KMT2C: variants seen among roughly 807,000 people sequenced by gnomAD.
KMT2C encodes lysine methyltransferase 2C.
In KMT2C, 88 loss-of-function variants were observed where a neutral mutation model predicts 507.9. The observed-to-expected ratio is 0.17, with a 90% CI of 0.15 to 0.21. The LOEUF (loss-of-function observed/expected upper bound fraction) is 0.21, where lower values mean the gene tolerates loss of function less well. KMT2C is among the 10% of genes least tolerant of loss of function. The pLI is 1.00. For synonymous variants in KMT2C, 2,049 were observed against 2,080.8 expected (o/e 0.98, Z 0.42); for missense variants, 4,954 against 5,957.8 (o/e 0.83, Z 5.55).
rs138353962 is a variant in KMT2C at position 152,162,666 on chromosome 7, G to A, written c.10911C>T (p.Ile3637=). 5.5e-3 allele frequency: 8,903 copies of A among 1,614,224 alleles called. 27 individuals carry two copies. Among genetic ancestry groups the A allele is most frequent in the Middle Eastern group, 7.1e-3 (43 of 6,062 alleles). Residue 3637 remains isoleucine, a synonymous_variant, in exon 43 of 59, where the codon ATC becomes ATT. Transcript: ENST00000262189. ...CTGCAGGAGTAGAGGTAGTTTCTGA[G>A]ATGCCTGGAGTCGGTGGGGCAGTTA... ...SDITAPPTPG[I]SETTSTPAVS...
At chr7:152,137,135 C>T (rs112111959) in intron 58 of KMT2C, 6 of 516,560 alleles carry the variant, frequency 1.2e-5, no homozygotes, top group African/African-American at 2.0e-5. Context: ...TATTTTTAAA[C>T]AGCGAGATCT....
At chr7:152,428,220 C>G (rs1326882483) in intron 1 of KMT2C, among the ~76,000 whole-genome samples, 2 of 152,056 alleles carry the variant, frequency 1.3e-5, no homozygotes, top group African/African-American at 2.4e-5. Flanking sequence ...GACCTGTAGT[C>G]CCCTGGTGGT....
chr7:152,253,792 T>A (rs2095602608), intron 9 of KMT2C, among the ~76,000 whole-genome samples: 1 of 152,100 alleles, frequency 6.6e-6, no homozygotes, highest in Middle Eastern at 3.2e-3. Flanking sequence ...CCCTTCATGT[T>A]TTTAGAATAG....
chr7:152,181,730 T>C lies in KMT2C; in HGVS notation c.6130A>G (p.Lys2044Glu), dbSNP rs751639599. Residue 2044 changes from lysine (K) to glutamate (E), a missense_variant, in exon 36 of 59, where the codon AAG (lysine) becomes GAG (glutamate). Lys to Glu is a moderately conservative substitution (Grantham distance 56). Coordinates refer to ENST00000262189, the MANE Select transcript of KMT2C (RefSeq NM_170606.3). ...APLDSGPGPF[K>E]TPMQPPPSSQ... ...GATGGAGGAGGTTGCATTGGAGTCTTAAAAGGTCCAGGACCACTATCAAGA... is the reference window on the plus strand; with the variant it reads ...GATGGAGGAGGTTGCATTGGAGTCTCAAAAGGTCCAGGACCACTATCAAGA... 1 of 1,614,120 alleles carries C rather than the reference T, an allele frequency of 6.2e-7. No individual in the cohort carries two copies. The highest frequency in any genetic ancestry group is 1.7e-5 in the Admixed American group (1 of 60,012).
chr7:152,142,808 A>G (rs573149496), intron 55 of KMT2C, among the ~76,000 whole-genome samples: 48 of 152,248 alleles, frequency 3.2e-4, no homozygotes, highest in Non-Finnish European at 6.3e-4. Context: ...TATTACAGAG[A>G]AAAGGAAGAC....
intron 1 of KMT2C, among the ~76,000 whole-genome samples, chr7:152,369,171 A>C (rs918603920): frequency 6.6e-6 from 1 of 152,030 alleles, no homozygotes; most frequent in East Asian, 1.9e-4. Flanking sequence ...AAAAATACAA[A>C]AGTTGGCCGG....
chr7:152,244,480 G>A lies in KMT2C; in HGVS notation c.2532+3422C>T, dbSNP rs557676043. Among the ~76,000 whole-genome samples the A allele has an allele frequency of 1.5e-3, 229 of 152,126 alleles. 1 individual carries two copies. The highest frequency in any genetic ancestry group is 5.1e-3 in the African/African-American group (213 of 41,514). On this transcript the variant is annotated intron_variant, in intron 14 of 58. Coordinates refer to ENST00000262189, the MANE Select transcript of KMT2C (RefSeq NM_170606.3). Reference sequence around the variant, plus strand: ...AAGGATCGCTTGAGGCCAGGAGTTCGTAACCAGCCTGGTCTACACAGCAAG... The same window carrying A: ...AAGGATCGCTTGAGGCCAGGAGTTCATAACCAGCCTGGTCTACACAGCAAG...
intron 6 of KMT2C, among the ~76,000 whole-genome samples, chr7:152,309,591 C>T (rs1214026570): frequency 1.4e-5 from 2 of 140,232 alleles, no homozygotes. Flanking sequence ...GCAATCTTGG[C>T]TACGGGCAAC....
At chr7:152,328,400 A>G (rs2096850628) in intron 3 of KMT2C, among the ~76,000 whole-genome samples, 1 of 152,100 alleles carries the variant, frequency 6.6e-6, no homozygotes, top group Admixed American at 6.6e-5. Context: ...AAGCCAGGAG[A>G]CAAGCAGAGC....
intron 1 of KMT2C, among the ~76,000 whole-genome samples, chr7:152,386,788 A>G (rs542641890): frequency 4.6e-4 from 70 of 152,364 alleles, no homozygotes; most frequent in African/African-American, 1.7e-3. Context: ...CATTATTCCT[A>G]TTCAACAGTT....
intron 6 of KMT2C, among the ~76,000 whole-genome samples, chr7:152,295,919 TTAGCCGGG>T (rs894645722): frequency 2.0e-5 from 3 of 150,482 alleles, no homozygotes; most frequent in African/African-American, 7.4e-5. Flanking sequence ...ACAAAAAAAA[TTAGCCGGG>T]CATGGTGGCG....
In KMT2C at chr7:152,181,784, A is replaced by G. The variant is rs1203233309; in HGVS notation, c.6076T>C (p.Tyr2026His). 1 of 1,614,158 alleles carries G rather than the reference A, an allele frequency of 6.2e-7. No homozygotes were observed. Among genetic ancestry groups the G allele is most frequent in the Non-Finnish European group, 8.5e-7 (1 of 1,180,026 alleles). Residue 2026 changes from tyrosine to histidine, a missense_variant, in exon 36 of 59, where the codon TAT becomes CAT. Transcript: ENST00000262189. ...GCAGGTGTCAACAAGGGTCGTGCAT[A>G]TGAGTCAGGTATCCTTTGTCTTTGA... ...VFQRQRIPDSYARPLLTPAPL... is the reference protein window; with the variant it reads ...VFQRQRIPDSHARPLLTPAPL...
chr7:152,363,581 A>G (rs375035712), intron 1 of KMT2C, among the ~76,000 whole-genome samples: 7 of 152,330 alleles, frequency 4.6e-5, no homozygotes, highest in Admixed American at 1.3e-4. Flanking sequence ...AAAGGGAAAG[A>G]AACAGGGTGA....
At chr7:152,239,318 T>C (rs2095341328) in intron 14 of KMT2C, among the ~76,000 whole-genome samples, 1 of 152,128 alleles carries the variant, frequency 6.6e-6, no homozygotes, top group African/African-American at 2.4e-5. Flanking sequence ...AGGAGAAACA[T>C]AAGCAATCGA....
In KMT2C at chr7:152,297,056, AGAGAGAGAGAG is replaced by A. The variant is rs2096517687; in HGVS notation, c.849+12899_849+12909del. ...AAGAAAGAAAGAAAGAAAGAAAGAC[AGAGAGAGAGAG>A]AGAGAGAGAGAGAGAGAGAGAGAGA... is the stretch of plus-strand genomic sequence containing the variant. On this transcript the variant is annotated intron_variant, in intron 6 of 58. Coordinates refer to ENST00000262189, the MANE Select transcript of KMT2C (RefSeq NM_170606.3). 2.7e-3 allele frequency among the ~76,000 whole-genome samples: 114 copies of A among 42,050 alleles called. 2 individuals carry two copies. Among genetic ancestry groups the A allele is most frequent in the African/African-American group, 8.0e-3 (98 of 12,312 alleles). The allele number at this position is 42,050 out of a possible 152,430, so 27.6% of individuals were successfully genotyped here. A position where few individuals can be genotyped will look rare whatever the true frequency, so the allele number is the denominator to read the frequency against.
chr7:152,143,013 G>A (rs1182902381), intron 55 of KMT2C, among the ~76,000 whole-genome samples: 5 of 152,122 alleles, frequency 3.3e-5, no homozygotes. Context: ...AATGCTTCAG[G>A]TTAAAGGTGA....
At chr7:152,357,843 A>G (rs1055451949) in intron 2 of KMT2C, among the ~76,000 whole-genome samples, 4 of 152,228 alleles carry the variant, frequency 2.6e-5, no homozygotes, top group Non-Finnish European at 4.4e-5. Flanking sequence ...TTTAAAATCT[A>G]TAACAATTTT....
At chr7:152,281,736 A>T (rs2096214573) in intron 6 of KMT2C, among the ~76,000 whole-genome samples, 1 of 150,542 alleles carries the variant, frequency 6.6e-6, no homozygotes, top group Admixed American at 6.6e-5. Flanking sequence ...CATCTCAAAA[A>T]CAAAAACAAA....
intron 9 of KMT2C, among the ~76,000 whole-genome samples, chr7:152,257,744 G>A (rs541869749): frequency 3.3e-5 from 5 of 152,022 alleles, no homozygotes; most frequent in Admixed American, 2.0e-4. Context: ...GTGTATATAC[G>A]TTAAGTGTAG....
Sources: allele counts gnomAD v4.1 joint callset (sites outside exome capture counted in the v4.1 genomes callset), GRCh38; gene constraint gnomAD v4.1.1; transcripts MANE v1.5; gene names NCBI Gene and HGNC (gene_info 2026-07-23, HGNC 2026-07-21).